Variants in LEPR observed in about 807,000 individuals in gnomAD.
LEPR encodes the protein OB receptor.
LEPR carries 56 observed loss-of-function variants against 114.7 expected under a neutral mutation model. The ratio of observed to expected loss-of-function variants is 0.49; its 90% CI spans 0.39 to 0.61. The LOEUF is 0.61. Among genes scored for constraint, LEPR ranks in the 20% least tolerant of loss-of-function variants. LEPR has a pLI of 0.00. For synonymous variants in LEPR, 443 were observed against 461.4 expected (o/e 0.96, Z 0.51); for missense variants, 1,202 against 1,352.9 (o/e 0.89, Z 1.75).
At chr1:65,451,514 G>A (rs1266982895) in intron 2 of LEPR, among the ~76,000 whole-genome samples, 1 of 152,022 alleles carries the variant, frequency 6.6e-6, no homozygotes, top group Non-Finnish European at 1.5e-5. Context: ...AGTTTTCCCA[G>A]TACCATTTAT....
chr1:65,432,862 A>G, intron 2 of LEPR: 1 of 732,526 alleles, frequency 1.4e-6, no homozygotes, highest in Non-Finnish European at 1.7e-6. Flanking sequence ...AATTAGTGTA[A>G]TCATTCCACC....
rs781428072 is a variant in LEPR, at chr1:65,420,688, G to A, written c.-149G>A. On this transcript the variant is annotated 5_prime_UTR_variant, in exon 1 of 20. Coordinates refer to ENST00000349533, the MANE Select transcript of LEPR (RefSeq NM_002303.6). ...TGGGCAGGCTGCCCGGGCCGTGGCA[G>A]GAAGCCGGAAGCAGCCGCGGCCCCA... 2.1e-5 allele frequency: 33 copies of A among 1,570,680 alleles called. No individual in the cohort carries two copies. The highest frequency in any genetic ancestry group is 3.5e-5 in the South Asian group (3 of 85,494).
At chr1:65,615,956 G>A in intron 14 of LEPR, 52 bp from the exon 15 acceptor site, 1 of 1,608,296 alleles carries the variant, frequency 6.2e-7, no homozygotes. Flanking sequence ...AGCTCAGTTA[G>A]TATAAAAAGC....
intron 2 of LEPR, among the ~76,000 whole-genome samples, chr1:65,465,337 G>C (rs534228935): frequency 1.2e-3 from 181 of 152,310 alleles, no homozygotes; most frequent in Middle Eastern, 6.8e-3. Flanking sequence ...GTGTGGTTTT[G>C]AGTGAGTTTC....
At chr1:65,489,674 C>G (rs2100487636) in intron 2 of LEPR, among the ~76,000 whole-genome samples, 2 of 152,186 alleles carry the variant, frequency 1.3e-5, no homozygotes, top group Middle Eastern at 3.4e-3. Flanking sequence ...AGGTATTACT[C>G]AAGAAATAGT....
At chr1:65,450,306 A>G (rs1210277066) in intron 2 of LEPR, among the ~76,000 whole-genome samples, 1 of 151,992 alleles carries the variant, frequency 6.6e-6, no homozygotes. Flanking sequence ...TTTAAGTTAT[A>G]GGGTACATGT....
At chr1:65,625,860 C>CA (rs1450683637) in intron 19 of LEPR, among the ~76,000 whole-genome samples, 1 of 151,910 alleles carries the variant, frequency 6.6e-6, no homozygotes, top group African/African-American at 2.4e-5. Context: ...GGTTTTATGT[C>CA]AAAAAACCTA....
intron 2 of LEPR, among the ~76,000 whole-genome samples, chr1:65,476,396 G>A (rs1477925451): frequency 6.6e-6 from 1 of 151,930 alleles, no homozygotes; most frequent in Non-Finnish European, 1.5e-5. Context: ...CTAAGTGCTG[G>A]GATAAAGCAG....
chr1:65,523,414 G>A (rs942679490), intron 2 of LEPR, among the ~76,000 whole-genome samples: 19 of 152,016 alleles, frequency 1.2e-4, no homozygotes, highest in Admixed American at 2.6e-4. Flanking sequence ...GGATTCAACC[G>A]ATTCTCTTGC....
intron 10 of LEPR, among the ~76,000 whole-genome samples, chr1:65,603,465 C>T (rs1656592732): frequency 6.6e-6 from 1 of 152,174 alleles, no homozygotes; most frequent in South Asian, 2.1e-4. Context: ...CTTCTTCTAA[C>T]TTCCTCACTC....
intron 19 of LEPR, 111 bp from the exon 20 acceptor site, chr1:65,636,080 T>C (rs1658709427): frequency 5.6e-6 from 7 of 1,242,068 alleles, no homozygotes. Context: ...AATTTGTGGT[T>C]GACTTATGTT....
intron 2 of LEPR, among the ~76,000 whole-genome samples, chr1:65,456,401 T>A (rs77980027): frequency 6.6e-6 from 1 of 152,138 alleles, no homozygotes; most frequent in Admixed American, 6.5e-5. Context: ...TGTCCATTTC[T>A]GACAGAGGAG....
At chr1:65,529,514 T>A (rs773716784) in intron 2 of LEPR, among the ~76,000 whole-genome samples, 1 of 110,150 alleles carries the variant, frequency 9.1e-6, no homozygotes, top group African/African-American at 3.6e-5. Flanking sequence ...AGTGAGACTC[T>A]GTCTCAAAAA....
chr1:65,607,177 T>C (rs1656868534), intron 11 of LEPR, among the ~76,000 whole-genome samples: 1 of 152,188 alleles, frequency 6.6e-6, no homozygotes, highest in Non-Finnish European at 1.5e-5. Flanking sequence ...GCCTTAGTTA[T>C]GGTTTGGGTT....
intron 6 of LEPR, among the ~76,000 whole-genome samples, 172 bp downstream of exon 6, chr1:65,593,037 G>A (rs1248948289): frequency 6.6e-6 from 1 of 152,030 alleles, no homozygotes; most frequent in African/African-American, 2.4e-5. Context: ...TTTAACAATG[G>A]TATGTATATC....
intron 2 of LEPR, among the ~76,000 whole-genome samples, chr1:65,516,603 T>A (rs1248714278): frequency 6.6e-6 from 1 of 152,260 alleles, no homozygotes; most frequent in African/African-American, 2.4e-5. Context: ...AAATTAAACA[T>A]CTTTATGTAA....
chr1:65,620,497 A>T (rs1178481561), intron 17 of LEPR, among the ~76,000 whole-genome samples: 1 of 152,214 alleles, frequency 6.6e-6, no homozygotes, highest in Non-Finnish European at 1.5e-5. Context: ...GCTCTAATTG[A>T]GAGTGATGGG....
chr1:65,455,266 GC>G (rs1159600603), intron 2 of LEPR, among the ~76,000 whole-genome samples: 1 of 152,182 alleles, frequency 6.6e-6, no homozygotes, highest in African/African-American at 2.4e-5. Context: ...ATCGTCTGAA[GC>G]CTTCTTCTCT....
intron 7 of LEPR, among the ~76,000 whole-genome samples, chr1:65,597,150 T>C (rs1656119656): frequency 6.6e-6 from 1 of 152,088 alleles, no homozygotes; most frequent in South Asian, 2.1e-4. Context: ...CCAGAATCCC[T>C]CTTACCATGA....
Sources: allele counts gnomAD v4.1 joint callset (sites outside exome capture counted in the v4.1 genomes callset), GRCh38; gene constraint gnomAD v4.1.1; transcripts MANE v1.5; gene names NCBI Gene and HGNC (gene_info 2026-07-23, HGNC 2026-07-21).